TMEM143: variants seen among roughly 807,000 people sequenced by gnomAD.
TMEM143 encodes transmembrane protein 143.
A neutral mutation model predicts 40.3 loss-of-function variants in TMEM143; 45 were observed. That is an observed-to-expected ratio of 1.12 (90% CI 0.88 to 1.43). TMEM143 has a LOEUF of 1.43. Among genes scored for constraint, TMEM143 ranks in the 40% most tolerant of loss-of-function variants. The probability of loss-of-function intolerance (pLI) is 0.00; values close to 1 mark genes in which losing one functional copy is unlikely to be tolerated. For missense variants in TMEM143, 620 were observed against 613.4 expected, an observed-to-expected ratio of 1.01 and a Z score of -0.11; for synonymous variants, 299 against 282.7, an observed-to-expected ratio of 1.06 and a Z score of -0.58.
chr19:48,357,992 T>C (rs1008778838), intron 3 of TMEM143, among the ~76,000 whole-genome samples: 18 of 152,112 alleles, frequency 1.2e-4, no homozygotes, highest in African/African-American at 4.1e-4. Context: ...GCTCTAGTGA[T>C]GGGCACACCA....
At chr19:48,363,046 C>A (rs1013455684) in intron 2 of TMEM143, among the ~76,000 whole-genome samples, 1 of 152,188 alleles carries the variant, frequency 6.6e-6, no homozygotes, top group Admixed American at 6.5e-5. Context: ...AACCATGCCC[C>A]AGAGAGTGCC....
rs190466914 is a variant in TMEM143, at chr19:48,355,587, G to A, written c.369+4485C>T. Among the ~76,000 whole-genome samples, 68 of 152,308 alleles carry A rather than the reference G, an allele frequency of 4.5e-4. 1 individual carries two copies. The highest frequency in any genetic ancestry group is 1.2e-3 in the African/African-American group (51 of 41,580). ...GACACAGCAAGCGCTCAGCAACAAG[G>A]GGCTGTGATGGCCACTGTTGCTGGG... is the stretch of plus-strand genomic sequence containing the variant. On this transcript the variant is annotated intron_variant, in intron 3 of 7. Coordinates refer to ENST00000293261, the MANE Select transcript of TMEM143 (RefSeq NM_018273.4).
chr19:48,349,143 G>A (rs938763386), intron 3 of TMEM143, among the ~76,000 whole-genome samples: 1 of 152,146 alleles, frequency 6.6e-6, no homozygotes, highest in Non-Finnish European at 1.5e-5. Flanking sequence ...AGTGAGCCAT[G>A]ATCACAGCTT....
At position 48,333,207 on chromosome 19, in the gene TMEM143, G is replaced by A; in HGVS notation, c.*12C>T. The A allele has an allele frequency of 1.4e-6, 2 of 1,440,336 alleles. No individual in the cohort carries two copies. Among genetic ancestry groups the A allele is most frequent in the African/African-American group, 2.8e-5 (2 of 70,642 alleles). 89.2% of individuals were successfully genotyped at this position (1,440,336 alleles called of 1,614,324 possible). On this transcript the variant is annotated 3_prime_UTR_variant, in exon 8 of 8. Coordinates refer to ENST00000293261, the MANE Select transcript of TMEM143 (RefSeq NM_018273.4). This position sits in a 1 kb window ranked among gnomAD's most constrained non-coding sequence, Gnocchi z 4.1. ...TCCTAGCCTGCTGACTGGGCAGGGA[G>A]GTAGGTTCTACTCAGGAGATGTTAC... is the stretch of plus-strand genomic sequence containing the variant.
intron 2 of TMEM143, 21 bp downstream of exon 2, chr19:48,363,270 T>TGG (rs1970095934): frequency 1.2e-6 from 2 of 1,602,310 alleles, no homozygotes; most frequent in African/African-American, 2.7e-5. Context: ...CCCAGGCTCT[T>TGG]GGGCCTGGGA....
rs1569040963 is a variant in TMEM143 at position 48,363,475 on chromosome 19, C to A, written c.80G>T (p.Arg27Met). Reference sequence around the variant, plus strand: ...GGGCAACAGTGGCCATACTCGGACCCTGGACCCCCAGACCCCCCGGGTCAC... The same window carrying A: ...GGGCAACAGTGGCCATACTCGGACCATGGACCCCCAGACCCCCCGGGTCAC... The part of the protein sequence containing the change: ...LHVTRGVWGS[R>M]VRVWPLLPAL... Residue 27 changes from arginine (R) to methionine (M), a missense_variant, in exon 2 of 8, where the codon AGG (arginine) becomes ATG (methionine). By Grantham distance (91) the Arg-to-Met change is moderately conservative (BLOSUM62 -1). Transcript: ENST00000293261. 1.9e-6 allele frequency: 3 copies of A among 1,613,966 alleles called. No homozygotes were observed. The Admixed American group carries it at 5.0e-5, about 27-fold the overall frequency.
chr19:48,357,982 G>A (rs1354378756), intron 3 of TMEM143, among the ~76,000 whole-genome samples: 2 of 152,118 alleles, frequency 1.3e-5, no homozygotes, highest in East Asian at 3.8e-4. Context: ...AGTGTACACT[G>A]CTCTAGTGAT....
At chr19:48,359,609 C>A (rs1969990702) in intron 3 of TMEM143, among the ~76,000 whole-genome samples, 1 of 151,010 alleles carries the variant, frequency 6.6e-6, no homozygotes, top group African/African-American at 2.4e-5. Context: ...CGGGTTCATG[C>A]CATTCTCCTG....
intron 3 of TMEM143, 38 bp downstream of exon 3, chr19:48,360,034 G>C: frequency 6.3e-7 from 1 of 1,591,160 alleles, no homozygotes; most frequent in Non-Finnish European, 8.6e-7. Context: ...GCGGATGCTC[G>C]AACAAGCACC....
chr19:48,348,691 TTAAG>T (rs1312451820), intron 3 of TMEM143, among the ~76,000 whole-genome samples: 1 of 151,976 alleles, frequency 6.6e-6, no homozygotes, highest in African/African-American at 2.4e-5. Context: ...CACAGAGAGG[TTAAG>T]TAATTGCCCG....
At position 48,332,669 on chromosome 19, in the gene TMEM143, G is replaced by C. The variant is rs1969238439; in HGVS notation, c.*550C>G. The stretch of plus-strand genomic sequence containing the variant: ...CAGCAGCAATTGATAGCAAGATCAG[G>C]TTTCCTTTAGAAATTCTTATTGGTT... On this transcript the variant is annotated 3_prime_UTR_variant, in exon 8 of 8. Transcript: ENST00000293261. The C allele has an allele frequency of 6.6e-6, 1 of 152,340 alleles. No individual in the cohort carries two copies. Among genetic ancestry groups the C allele is most frequent in the Non-Finnish European group, 1.5e-5 (1 of 68,092 alleles). The allele number at this position is 152,340 out of a possible 1,614,324, so 9.4% of individuals were successfully genotyped here.
rs771772810 is a variant in TMEM143, at chr19:48,334,115, A to G, written c.1058T>C (p.Leu353Pro). 1 of 1,604,000 alleles carries G rather than the reference A, an allele frequency of 6.2e-7. No homozygotes were observed. Among genetic ancestry groups the G allele is most frequent in the East Asian group, 2.2e-5 (1 of 44,450 alleles). Residue 353 changes from leucine (L) to proline (P), a missense_variant, in exon 7 of 8, where the codon CTG becomes CCG. Coordinates refer to ENST00000293261, the MANE Select transcript of TMEM143 (RefSeq NM_018273.4). ...YYRSTSNNSE[L>P]LSALALRAQD... The stretch of plus-strand genomic sequence containing the variant: ...CGCGCGCAGGGCCAGGGCGCTGAGC[A>G]GCTCCGAGTTGTTGGACGTACTGCG...
At chr19:48,334,238 C>A in intron 6 of TMEM143, 41 bp from the exon 7 acceptor site, 2 of 1,542,882 alleles carry the variant, frequency 1.3e-6, no homozygotes, top group South Asian at 1.2e-5. Context: ...GTTCGGGGTG[C>A]GCCCCCACCC....
At chr19:48,344,297 T>G (rs776330998) in intron 4 of TMEM143, among the ~76,000 whole-genome samples, 1 of 152,022 alleles carries the variant, frequency 6.6e-6, no homozygotes, top group Non-Finnish European at 1.5e-5. Context: ...GTTTTGTTTT[T>G]TTGAGACAGG....
chr19:48,337,816 C>T (rs996622876), intron 6 of TMEM143, among the ~76,000 whole-genome samples: 3 of 152,162 alleles, frequency 2.0e-5, no homozygotes, highest in Non-Finnish European at 4.4e-5. Context: ...TAGGTGCCTG[C>T]ATTGGAACGA....
chr19:48,359,323 A>G (rs368195615), intron 3 of TMEM143, among the ~76,000 whole-genome samples: 1 of 151,910 alleles, frequency 6.6e-6, no homozygotes, highest in African/African-American at 2.4e-5. Context: ...TCACTGTTCA[A>G]TACTCCAGGC....
At chr19:48,334,905 C>G (rs532804525) in intron 6 of TMEM143, among the ~76,000 whole-genome samples, 4 of 152,092 alleles carry the variant, frequency 2.6e-5, no homozygotes, top group African/African-American at 9.7e-5. Context: ...TTTTAACACA[C>G]GTGCCCTCAT....
intron 3 of TMEM143, among the ~76,000 whole-genome samples, chr19:48,351,446 C>T (rs1185691567): frequency 6.6e-6 from 1 of 152,196 alleles, no homozygotes; most frequent in East Asian, 1.9e-4. Context: ...CCCCAAGCAG[C>T]CACCAGAGGG....
intron 4 of TMEM143, among the ~76,000 whole-genome samples, chr19:48,343,916 T>C (rs1253504172): frequency 6.6e-6 from 1 of 152,228 alleles, no homozygotes; most frequent in Admixed American, 6.5e-5. Flanking sequence ...AGATATTGTC[T>C]CACTCTGTCA....
Sources: allele counts gnomAD v4.1 joint callset (sites outside exome capture counted in the v4.1 genomes callset), GRCh38; gene constraint gnomAD v4.1.1; non-coding constraint Gnocchi (gnomAD v3.1); transcripts MANE v1.5; gene names NCBI Gene and HGNC (gene_info 2026-07-23, HGNC 2026-07-21).